Variants in NKAIN3 observed in about 807,000 individuals in gnomAD.
NKAIN3 encodes sodium/potassium transporting ATPase interacting 3.
Under a neutral mutation model 30.2 loss-of-function variants are expected in NKAIN3, and 25 were observed. That is an observed-to-expected ratio of 0.83 (90% CI 0.60 to 1.16). The LOEUF (loss-of-function observed/expected upper bound fraction) is 1.16. NKAIN3 is among the 50% of genes most tolerant of loss of function. The pLI, the probability that NKAIN3 is intolerant of heterozygous loss-of-function variation, is 0.00. For missense variants in NKAIN3, 225 were observed against 254.1 expected, an observed-to-expected ratio of 0.89 and a Z score of 0.78; for synonymous variants, 91 against 89.6, an observed-to-expected ratio of 1.02 and a Z score of -0.09.
chr8:62,498,697 C>G (rs931764193), intron 1 of NKAIN3, among the ~76,000 whole-genome samples: 2 of 150,056 alleles, frequency 1.3e-5, no homozygotes, highest in African/African-American at 4.9e-5. Flanking sequence ...TCCAATCAAC[C>G]AAGTGAGGAT....
At chr8:62,655,269 A>G (rs1384977138) in intron 3 of NKAIN3, among the ~76,000 whole-genome samples, 1 of 152,200 alleles carries the variant, frequency 6.6e-6, no homozygotes, top group Non-Finnish European at 1.5e-5. Context: ...TTAAATATAT[A>G]TGAATGAACC....
chr8:62,511,269 G>T (rs1417292647), intron 1 of NKAIN3, among the ~76,000 whole-genome samples: 1 of 152,102 alleles, frequency 6.6e-6, no homozygotes, highest in Non-Finnish European at 1.5e-5. Flanking sequence ...CTTCCGCGGG[G>T]TTCCCTGTGC....
chr8:62,588,939 A>G (rs73257122), intron 2 of NKAIN3, among the ~76,000 whole-genome samples: 12 of 151,992 alleles, frequency 7.9e-5, no homozygotes, highest in African/African-American at 2.6e-4. Flanking sequence ...GAGAGGAGCC[A>G]TAGTCCAATC....
intron 1 of NKAIN3, among the ~76,000 whole-genome samples, chr8:62,536,848 T>G (rs1225212280): frequency 6.6e-6 from 1 of 152,074 alleles, no homozygotes. Context: ...TCTAAACAGT[T>G]CTTAGCCTGT....
chr8:62,258,109 G>T (rs952385927), intron 1 of NKAIN3, among the ~76,000 whole-genome samples: 1 of 152,006 alleles, frequency 6.6e-6, no homozygotes, highest in East Asian at 1.9e-4. Context: ...CAGTCTCTAG[G>T]ATTGGAACAG....
At chr8:62,462,463 C>T (rs1478393557) in intron 1 of NKAIN3, among the ~76,000 whole-genome samples, 1 of 152,190 alleles carries the variant, frequency 6.6e-6, no homozygotes, top group Admixed American at 6.5e-5. Flanking sequence ...GAACTTTTTA[C>T]ATTAATTTAA....
chr8:62,855,032 C>G (rs4332128), intron 4 of NKAIN3: 1 of 152,846 alleles, frequency 6.5e-6, no homozygotes, highest in Non-Finnish European at 1.5e-5. Context: ...GCTGGAAATT[C>G]TTTTCTTTTT....
At chr8:62,897,420 A>T (rs1821462353) in intron 4 of NKAIN3, among the ~76,000 whole-genome samples, 1 of 152,130 alleles carries the variant, frequency 6.6e-6, no homozygotes, top group African/African-American at 2.4e-5. Context: ...AAAAAAATAA[A>T]CTGATTTGCC....
intron 1 of NKAIN3, among the ~76,000 whole-genome samples, chr8:62,268,542 A>G (rs1812675739): frequency 6.6e-6 from 1 of 152,178 alleles, no homozygotes; most frequent in South Asian, 2.1e-4. Flanking sequence ...AATTGACATC[A>G]CCACTGACAA....
intron 1 of NKAIN3, among the ~76,000 whole-genome samples, chr8:62,262,588 A>G (rs1260210782): frequency 1.3e-5 from 2 of 152,126 alleles, no homozygotes; most frequent in East Asian, 1.9e-4. Context: ...TGCAGGGCCA[A>G]TTAGAGGGAA....
At chr8:62,629,540 G>A (rs1811891263) in intron 3 of NKAIN3, among the ~76,000 whole-genome samples, 1 of 152,122 alleles carries the variant, frequency 6.6e-6, no homozygotes, top group South Asian at 2.1e-4. Flanking sequence ...ATGAGATGAT[G>A]CTAGTAAAAT....
intron 1 of NKAIN3, among the ~76,000 whole-genome samples, chr8:62,359,617 C>T (rs1014582402): frequency 2.0e-5 from 3 of 152,182 alleles, no homozygotes; most frequent in African/African-American, 4.8e-5. Flanking sequence ...CAACAGATAG[C>T]TCATTCCACT....
At chr8:62,318,621 A>G (rs1285765109) in intron 1 of NKAIN3, among the ~76,000 whole-genome samples, 3 of 151,954 alleles carry the variant, frequency 2.0e-5, no homozygotes, top group African/African-American at 7.3e-5. Context: ...TTCTGTTTAT[A>G]TGCTGTATTA....
rs149179437 is a variant in NKAIN3, at chr8:62,517,424, C to G, written c.55-62115C>G. ...TGGTAGTGATACAAGTGCATGGAATCTTCACCATCCTGTAAAAACATTATC... is the reference window on the plus strand; with the variant it reads ...TGGTAGTGATACAAGTGCATGGAATGTTCACCATCCTGTAAAAACATTATC... On this transcript the variant is annotated intron_variant, in intron 1 of 6. Transcript: ENST00000623646. Among the ~76,000 whole-genome samples, 11 of 152,224 alleles carry G rather than the reference C, an allele frequency of 7.2e-5. No individual in the cohort carries two copies. In the East Asian group the frequency reaches 2.1e-3, roughly 29 times the overall value.
intron 4 of NKAIN3, among the ~76,000 whole-genome samples, chr8:62,812,879 A>G (rs978968): frequency 0.21 from 31,372 of 151,862 alleles, 3,850 homozygotes; most frequent in African/African-American, 0.33. Context: ...AATTTTGGTT[A>G]ATCTTTTTAA....
At chr8:62,557,393 T>C (rs1338044154) in intron 1 of NKAIN3, among the ~76,000 whole-genome samples, 7 of 152,138 alleles carry the variant, frequency 4.6e-5, no homozygotes, top group Non-Finnish European at 1.0e-4. Context: ...TTTCATATGA[T>C]GAATTATTTT....
intron 1 of NKAIN3, among the ~76,000 whole-genome samples, chr8:62,453,413 T>C (rs1219672503): frequency 3.3e-5 from 5 of 152,044 alleles, no homozygotes; most frequent in African/African-American, 1.2e-4. Context: ...CCAGTAAACA[T>C]CCACATCAAA....
At chr8:62,814,273 G>T in intron 4 of NKAIN3, among the ~76,000 whole-genome samples, 1 of 151,636 alleles carries the variant, frequency 6.6e-6, no homozygotes, top group Non-Finnish European at 1.5e-5. Context: ...TTTTCATAAG[G>T]CAAACATTCT....
intron 1 of NKAIN3, among the ~76,000 whole-genome samples, chr8:62,557,787 G>A (rs7834112): frequency 0.12 from 17,813 of 151,852 alleles, 1,258 homozygotes; most frequent in African/African-American, 0.2. Context: ...GTTTGAGTTC[G>A]TTGTACATTC....
Sources: gnomAD v4.1 joint callset for allele counts (sites outside exome capture counted in the v4.1 genomes callset) on GRCh38, gnomAD v4.1.1 for gene constraint, MANE v1.5 for transcripts, NCBI Gene and HGNC (gene_info 2026-07-23, HGNC 2026-07-21) for gene names.